SLC14A2: variants seen among roughly 807,000 people sequenced by gnomAD.
The protein encoded by SLC14A2 is urea transporter 2.
Under a neutral mutation model 104.6 loss-of-function variants are expected in SLC14A2, and 91 were observed. The ratio of observed to expected loss-of-function variants is 0.87; its 90% confidence interval spans 0.73 to 1.04. The LOEUF (loss-of-function observed/expected upper bound fraction) is 1.04, where lower values mean the gene tolerates loss of function less well. SLC14A2 is among the 50% of genes least tolerant of loss of function. The probability of loss-of-function intolerance (pLI) is 0.00; values close to 1 mark genes in which losing one functional copy is unlikely to be tolerated. For synonymous variants in SLC14A2, 476 were observed against 466.4 expected (o/e 1.02, Z -0.27); for missense variants, 1,189 against 1,156.0 (o/e 1.03, Z -0.41).
intron 1 of SLC14A2, among the ~76,000 whole-genome samples, chr18:45,337,331 A>T (rs1175143968): frequency 6.6e-6 from 1 of 152,228 alleles, no homozygotes; most frequent in African/African-American, 2.4e-5. Flanking sequence ...AGTAAAAGGT[A>T]GAAGAGGGAT....
chr18:45,280,139 A>C (rs1440748211), intron 1 of SLC14A2, among the ~76,000 whole-genome samples: 1 of 152,222 alleles, frequency 6.6e-6, no homozygotes, highest in African/African-American at 2.4e-5. Flanking sequence ...CAAGACGGTA[A>C]AAACCTTGTT....
At chr18:45,275,885 C>A (rs937397630) in intron 1 of SLC14A2, among the ~76,000 whole-genome samples, 1 of 152,120 alleles carries the variant, frequency 6.6e-6, no homozygotes, top group African/African-American at 2.4e-5. Context: ...ATATGCAGGT[C>A]ATTGAGAAAT....
chr18:45,325,834 C>T (rs906735170), intron 1 of SLC14A2, among the ~76,000 whole-genome samples: 6 of 152,164 alleles, frequency 3.9e-5, no homozygotes, highest in Non-Finnish European at 7.3e-5. Flanking sequence ...CTGTGTTCCC[C>T]TCCCCAACAA....
intron 1 of SLC14A2, among the ~76,000 whole-genome samples, chr18:45,246,725 G>A (rs8084889): frequency 0.08 from 12,112 of 151,866 alleles, 536 homozygotes; most frequent in African/African-American, 0.1. Context: ...GGTGTGTGCC[G>A]CCACACTGGG....
intron 1 of SLC14A2, among the ~76,000 whole-genome samples, chr18:45,304,305 G>A (rs539374223): frequency 6.6e-6 from 1 of 152,298 alleles, no homozygotes; most frequent in Non-Finnish European, 1.5e-5. Flanking sequence ...TATTCCTTGT[G>A]GGTTTCTCAT....
chr18:45,387,318 C>T (rs2085908644), intron 1 of SLC14A2, among the ~76,000 whole-genome samples: 1 of 152,186 alleles, frequency 6.6e-6, no homozygotes. Flanking sequence ...ACTCCTCAGC[C>T]AGAATTAATT....
intron 1 of SLC14A2, among the ~76,000 whole-genome samples, chr18:45,456,704 A>G (rs1160088090): frequency 5.9e-5 from 9 of 151,422 alleles, no homozygotes; most frequent in Non-Finnish European, 8.8e-5. Context: ...CTTCCACTCA[A>G]TTAACCTTGA....
At chr18:45,474,338 C>G (rs1252135803) in intron 1 of SLC14A2, among the ~76,000 whole-genome samples, 1 of 152,084 alleles carries the variant, frequency 6.6e-6, no homozygotes, top group East Asian at 1.9e-4. Context: ...CAGAAATTTT[C>G]TTTTTTTGTT....
chr18:45,623,812 G>A (rs2144499830), intron 1 of SLC14A2, among the ~76,000 whole-genome samples: 1 of 152,268 alleles, frequency 6.6e-6, no homozygotes, highest in Admixed American at 6.5e-5. Flanking sequence ...GTCATACTGA[G>A]AGGAGACCGC....
chr18:45,243,841 A>C (rs890842239), intron 1 of SLC14A2, among the ~76,000 whole-genome samples: 2 of 152,156 alleles, frequency 1.3e-5, no homozygotes. Context: ...CTGTTCTGTT[A>C]CTGTGCTCAC....
intron 1 of SLC14A2, among the ~76,000 whole-genome samples, chr18:45,391,640 T>A (rs1043178998): frequency 6.6e-6 from 1 of 152,222 alleles, no homozygotes; most frequent in Non-Finnish European, 1.5e-5. Flanking sequence ...AGATGGTATC[T>A]CATTGTGGTT....
chr18:45,205,760 C>T, the SLC14A2 span, among the ~76,000 whole-genome samples: 5 of 152,116 alleles, frequency 3.3e-5, no homozygotes, highest in African/African-American at 1.2e-4. Flanking sequence ...CAGAATGGTC[C>T]CTGGCTGGAC....
intron 1 of SLC14A2, among the ~76,000 whole-genome samples, chr18:45,475,682 T>C (rs1295941247): frequency 1.0e-5 from 1 of 95,858 alleles, no homozygotes; most frequent in Non-Finnish European, 2.1e-5. Context: ...TATATATATA[T>C]ATATATGATA....
At chr18:45,534,495 T>C (rs2144840572) in intron 2 of SLC14A2, among the ~76,000 whole-genome samples, 1 of 152,316 alleles carries the variant, frequency 6.6e-6, no homozygotes, top group South Asian at 2.1e-4. Flanking sequence ...TTCTTCATTT[T>C]ATTTCACCAG....
chr18:45,674,732 A>G (rs1029700807), intron 18 of SLC14A2, among the ~76,000 whole-genome samples: 1 of 152,242 alleles, frequency 6.6e-6, no homozygotes, highest in Non-Finnish European at 1.5e-5. Flanking sequence ...CAAGGTTGGT[A>G]TTACTATTCG....
intron 1 of SLC14A2, among the ~76,000 whole-genome samples, chr18:45,261,904 A>G (rs994959602): frequency 1.3e-5 from 2 of 152,172 alleles, no homozygotes; most frequent in African/African-American, 2.4e-5. Context: ...ATGATTTATA[A>G]TCCTTTGGGT....
rs140197387 is a variant in SLC14A2 at position 45,671,456 on chromosome 18, G to A, written c.2230-1444G>A. 2.9e-3 allele frequency among the ~76,000 whole-genome samples: 436 copies of A among 152,258 alleles called. 5 individuals are homozygous for A. The highest frequency in any genetic ancestry group is 9.8e-3 in the African/African-American group (406 of 41,556). On this transcript the variant is annotated intron_variant, in intron 16 of 19. Transcript: ENST00000255226. ...ATAAGTGGTGAATTTCAGAGGGATTGTCTAAACTTCCCAGCAATGTTGAGT... is the reference window on the plus strand; with the variant it reads ...ATAAGTGGTGAATTTCAGAGGGATTATCTAAACTTCCCAGCAATGTTGAGT...
chr18:45,579,179 G>T (rs750216309), intron 2 of SLC14A2, among the ~76,000 whole-genome samples: 1 of 152,304 alleles, frequency 6.6e-6, no homozygotes, highest in South Asian at 2.1e-4. Context: ...AAATCACAAG[G>T]TCAGCCCAGA....
At chr18:45,238,666 G>T (rs537992105) in intron 1 of SLC14A2, among the ~76,000 whole-genome samples, 11 of 152,178 alleles carry the variant, frequency 7.2e-5, no homozygotes, top group African/African-American at 2.7e-4. Context: ...AAATAGGTGG[G>T]CATAGATAGG....
Sources: allele counts gnomAD v4.1 joint callset (sites outside exome capture counted in the v4.1 genomes callset), GRCh38; gene constraint gnomAD v4.1.1; transcripts MANE v1.5; gene names NCBI Gene and HGNC (gene_info 2026-07-23, HGNC 2026-07-21).